The following CSMD1 variants were observed in gnomAD, a reference collection of about 807,000 sequenced individuals.
CSMD1 encodes the protein CUB and sushi domain-containing protein 1.
Under a neutral mutation model 417.5 loss-of-function variants are expected in CSMD1, and 213 were observed. The observed-to-expected ratio is 0.51, with a 90% CI of 0.46 to 0.57. CSMD1 has a LOEUF of 0.57. CSMD1 is among the 20% of genes least tolerant of loss of function. The pLI is 0.00. For synonymous variants in CSMD1, 2,862 were observed against 1,736.8 expected (o/e 1.65, Z -16.11); for missense variants, 6,923 against 4,529.7 (o/e 1.53, Z -15.17).
At position 3,396,304 on chromosome 8, in the gene CSMD1, T is replaced by C; in HGVS notation, c.2483A>G (p.Tyr828Cys). The change falls in exon 17 of 70, where the codon TAC (tyrosine) becomes TGC (cysteine). Residue 828 changes from tyrosine (Y) to cysteine (C), a missense_variant. By Grantham distance (194) the Tyr-to-Cys change is radical. Coordinates refer to ENST00000635120, the MANE Select transcript of CSMD1 (RefSeq NM_033225.6). ...GAACTGGGGTGCCTGGGTGCCGTGG[T>C]ACTCGCCGATCAGTGGGGACGAACT... ...PASSSPLIGEYHGTQAPQFLI... is the reference protein window; with the variant it reads ...PASSSPLIGECHGTQAPQFLI... 1 of 1,606,478 alleles carries C rather than the reference T, an allele frequency of 6.2e-7. No homozygotes were observed. The highest frequency in any genetic ancestry group is 8.5e-7 in the Non-Finnish European group (1 of 1,176,454).
intron 23 of CSMD1, among the ~76,000 whole-genome samples, chr8:3,338,823 TTTA>T: frequency 6.6e-6 from 1 of 151,868 alleles, no homozygotes; most frequent in South Asian, 2.1e-4. Flanking sequence ...TTTTTTTTTT[TTTA>T]AATTTTTATT....
In CSMD1 at chr8:3,367,032, C is replaced by G. The variant is rs754143160; in HGVS notation, c.3115G>C (p.Glu1039Gln). ...SYEGFNITFS[E>Q]YDLEPCDDPG... ...GAAACAGCAAACAAGACCAACATAC[C>G]TGAAAATGTGATATTGAAGCCCTCG... Residue 1039 changes from glutamate to glutamine, a missense_variant and splice_region_variant, in exon 20 of 70, where the codon GAA becomes CAA. By Grantham distance (29) the Glu-to-Gln change is conservative. Transcript: ENST00000635120. The G allele has an allele frequency of 8.1e-6, 13 of 1,611,454 alleles. No homozygotes were observed. In the Admixed American group the frequency reaches 2.0e-4, roughly 25 times the overall value.
At chr8:4,142,569 A>G (rs564372535) in intron 3 of CSMD1, among the ~76,000 whole-genome samples, 1 of 151,282 alleles carries the variant, frequency 6.6e-6, no homozygotes, top group Non-Finnish European at 1.5e-5. Context: ...CATTTTTATT[A>G]TATGGTAGAA....
intron 1 of CSMD1, among the ~76,000 whole-genome samples, chr8:4,687,292 G>C (rs1048676300): frequency 2.6e-5 from 4 of 152,220 alleles, no homozygotes; most frequent in Non-Finnish European, 4.4e-5. Flanking sequence ...CCTTACTGAG[G>C]ACAGAGGATG....
At chr8:3,871,359 C>T (rs1585119501) in intron 5 of CSMD1, among the ~76,000 whole-genome samples, 2 of 152,150 alleles carry the variant, frequency 1.3e-5, no homozygotes, top group Middle Eastern at 7.0e-3. Flanking sequence ...TATTATGTCT[C>T]TTACTAAAAT....
chr8:4,173,883 C>A (rs1437999793), intron 3 of CSMD1, among the ~76,000 whole-genome samples: 2 of 152,118 alleles, frequency 1.3e-5, no homozygotes, highest in Non-Finnish European at 2.9e-5. Flanking sequence ...TTTGAAGTGG[C>A]AGCTGAAGTT....
At chr8:4,413,927 T>C (rs538148882) in intron 3 of CSMD1, among the ~76,000 whole-genome samples, 2 of 152,326 alleles carry the variant, frequency 1.3e-5, no homozygotes, top group African/African-American at 4.8e-5. Context: ...AAAGTAATTA[T>C]TGAAATTTTG....
chr8:4,752,160 C>G (rs1417966090), intron 1 of CSMD1, among the ~76,000 whole-genome samples: 2 of 151,938 alleles, frequency 1.3e-5, no homozygotes, highest in African/African-American at 4.8e-5. Flanking sequence ...CTCTTTAGTT[C>G]CTTACCACTT....
At chr8:4,739,532 T>G (rs566089060) in intron 1 of CSMD1, among the ~76,000 whole-genome samples, 12 of 152,272 alleles carry the variant, frequency 7.9e-5, no homozygotes, top group African/African-American at 2.4e-4. Flanking sequence ...TGATAATAAC[T>G]TAAAGAAAAT....
chr8:4,292,243 CGTT>C lies in CSMD1; in HGVS notation c.415+127707_415+127709del, dbSNP rs144031542. ...ACTTTCCAAAGAATTTTGTTGTCGT[CGTT>C]GTTGTTGTTGTTTAGTTTTGTTTTG... On this transcript the variant is annotated intron_variant, in intron 3 of 69. Coordinates refer to ENST00000635120, the MANE Select transcript of CSMD1 (RefSeq NM_033225.6). Among the ~76,000 whole-genome samples, 79 of 152,004 alleles carry C rather than the reference CGTT, an allele frequency of 5.2e-4. 1 individual carries two copies. Among genetic ancestry groups the C allele is most frequent in the African/African-American group, 1.7e-3 (71 of 41,448 alleles).
chr8:4,484,603 T>G (rs982030571), intron 2 of CSMD1, among the ~76,000 whole-genome samples: 1 of 152,100 alleles, frequency 6.6e-6, no homozygotes, highest in African/African-American at 2.4e-5. Flanking sequence ...CTTGGAGGGC[T>G]GACGTGACCT....
intron 3 of CSMD1, among the ~76,000 whole-genome samples, chr8:4,199,504 T>A (rs1008020240): frequency 6.6e-6 from 1 of 152,184 alleles, no homozygotes; most frequent in South Asian, 2.1e-4. Context: ...GTGTAAAATG[T>A]CAATTTTCAT....
At chr8:4,078,788 C>A (rs899588472) in intron 3 of CSMD1, among the ~76,000 whole-genome samples, 1 of 149,432 alleles carries the variant, frequency 6.7e-6, no homozygotes, top group Admixed American at 6.7e-5. Context: ...GTAATCCTAG[C>A]ACTTTGGGAG....
chr8:4,254,676 C>G (rs147901265), intron 3 of CSMD1, among the ~76,000 whole-genome samples: 1 of 152,094 alleles, frequency 6.6e-6, no homozygotes, highest in Non-Finnish European at 1.5e-5. Context: ...ACCATTCTTA[C>G]GTTTCACTCC....
intron 3 of CSMD1, among the ~76,000 whole-genome samples, chr8:4,300,877 T>C (rs1476631907): frequency 1.3e-5 from 2 of 152,242 alleles, no homozygotes; most frequent in East Asian, 3.8e-4. Flanking sequence ...TCATTTTTTA[T>C]GGCTACATAG....
intron 1 of CSMD1, among the ~76,000 whole-genome samples, chr8:4,904,932 G>T (rs1191973662): frequency 6.6e-6 from 1 of 152,106 alleles, no homozygotes; most frequent in Admixed American, 6.5e-5. Context: ...ATACTGTCCA[G>T]GGCCTCTTTG....
Position 4,733,042 on chromosome 8 carries a change from A to G in CSMD1, c.86-95484T>C, listed in dbSNP as rs568189189. ...TTCTTTGGAAAAAAAAAAATCCCCAAATGAAAAATAACTAGAAAAAAGACC... is the reference window on the plus strand; with the variant it reads ...TTCTTTGGAAAAAAAAAAATCCCCAGATGAAAAATAACTAGAAAAAAGACC... On this transcript the variant is annotated intron_variant, in intron 1 of 69. Coordinates refer to ENST00000635120, the MANE Select transcript of CSMD1 (RefSeq NM_033225.6). Among the ~76,000 whole-genome samples, 8 of 152,250 alleles carry G rather than the reference A, an allele frequency of 5.3e-5. No individual in the cohort carries two copies. The South Asian group carries it at 1.7e-3, about 32-fold the overall frequency.
At chr8:3,781,658 T>A (rs914697695) in intron 5 of CSMD1, among the ~76,000 whole-genome samples, 1 of 152,214 alleles carries the variant, frequency 6.6e-6, no homozygotes, top group Admixed American at 6.5e-5. Flanking sequence ...GTGATGTGAA[T>A]GGCAGGTGCC....
At chr8:4,944,013 A>G (rs1262501744) in intron 1 of CSMD1, among the ~76,000 whole-genome samples, 1 of 152,192 alleles carries the variant, frequency 6.6e-6, no homozygotes, top group Non-Finnish European at 1.5e-5. Context: ...AGTAAAAAAG[A>G]CTTGGGAATC....
Sources: allele counts gnomAD v4.1 joint callset (sites outside exome capture counted in the v4.1 genomes callset), GRCh38; gene constraint gnomAD v4.1.1; transcripts MANE v1.5; gene names NCBI Gene and HGNC (gene_info 2026-07-23, HGNC 2026-07-21).